Variants in NCOA3 observed in about 807,000 individuals in gnomAD.
NCOA3 encodes CBP-interacting protein.
Under a neutral mutation model 158.8 loss-of-function variants are expected in NCOA3, and 51 were observed. The observed-to-expected ratio is 0.32, with a 90% CI of 0.26 to 0.41. The LOEUF is 0.41. NCOA3 is among the 10% of genes least tolerant of loss of function. The pLI is 1.00. For missense variants in NCOA3, 1,510 were observed against 1,746.6 expected, an observed-to-expected ratio of 0.86 and a Z score of 2.41; for synonymous variants, 537 against 592.4, an observed-to-expected ratio of 0.91 and a Z score of 1.36.
At chr20:47,521,417 A>T (rs2084331382) in intron 1 of NCOA3, among the ~76,000 whole-genome samples, 1 of 152,034 alleles carries the variant, frequency 6.6e-6, no homozygotes, top group Non-Finnish European at 1.5e-5. Flanking sequence ...AGCAATGGTG[A>T]GCGCACACCT....
At chr20:47,546,343 T>C (rs1446179800) in intron 1 of NCOA3, among the ~76,000 whole-genome samples, 1 of 152,184 alleles carries the variant, frequency 6.6e-6, no homozygotes, top group East Asian at 1.9e-4. Context: ...TCCTAATAAG[T>C]CTTCCTGCAT....
intron 1 of NCOA3, among the ~76,000 whole-genome samples, chr20:47,535,999 A>C (rs948291300): frequency 3.3e-5 from 5 of 151,794 alleles, no homozygotes; most frequent in Non-Finnish European, 5.9e-5. Flanking sequence ...GGTGTCTGTC[A>C]GTGTGCTGTT....
intron 1 of NCOA3, among the ~76,000 whole-genome samples, chr20:47,519,611 T>A (rs1313506487): frequency 6.6e-6 from 1 of 151,466 alleles, no homozygotes; most frequent in Non-Finnish European, 1.5e-5. Flanking sequence ...AAAAAGACGG[T>A]GATTAAGAAC....
At chr20:47,618,651 G>A (rs1277974124) in intron 2 of NCOA3, among the ~76,000 whole-genome samples, 1 of 152,138 alleles carries the variant, frequency 6.6e-6, no homozygotes, top group Non-Finnish European at 1.5e-5. Flanking sequence ...ACCACACCCG[G>A]CCTTCCCTTA....
chr20:47,611,890 C>T (rs2086050547), intron 2 of NCOA3, among the ~76,000 whole-genome samples: 1 of 152,134 alleles, frequency 6.6e-6, no homozygotes, highest in Non-Finnish European at 1.5e-5. Context: ...GTGGCGCGAA[C>T]CTTAGCTCAC....
intron 2 of NCOA3, among the ~76,000 whole-genome samples, chr20:47,597,959 G>C (rs545055683): frequency 6.6e-6 from 1 of 151,822 alleles, no homozygotes; most frequent in African/African-American, 2.4e-5. Context: ...AAAGAACCAG[G>C]CTTCTGCCGG....
chr20:47,636,809 G>A lies in NCOA3; in HGVS notation c.2376+47G>A, dbSNP rs759334331. On this transcript the variant is annotated intron_variant, in intron 12 of 22. Coordinates refer to ENST00000371998, the MANE Select transcript of NCOA3 (RefSeq NM_181659.3). ...TCAGCTCATATTTCATCATTTTTCGGTGTTAGATAATGTGATATAAAAATT... is the reference window on the plus strand; with the variant it reads ...TCAGCTCATATTTCATCATTTTTCGATGTTAGATAATGTGATATAAAAATT... 10 of 1,494,644 alleles carry A rather than the reference G, an allele frequency of 6.7e-6. No homozygotes were observed. The East Asian group carries it at 1.8e-4, about 27-fold the overall frequency. 92.6% of individuals were successfully genotyped at this position (1,494,644 alleles called of 1,614,324 possible). A position where few individuals can be genotyped will look rare whatever the true frequency, so the allele number is the denominator to read the frequency against.
chr20:47,587,162 A>G (rs1209829244), intron 2 of NCOA3, among the ~76,000 whole-genome samples: 18 of 152,330 alleles, frequency 1.2e-4, no homozygotes, highest in African/African-American at 2.2e-4. Flanking sequence ...TCCATAATCA[A>G]TAGCCCTATG....
chr20:47,603,232 A>C (rs1198210788), intron 2 of NCOA3, among the ~76,000 whole-genome samples: 1 of 152,232 alleles, frequency 6.6e-6, no homozygotes, highest in African/African-American at 2.4e-5. Flanking sequence ...TCCTGTAGGC[A>C]CCAAGATTTA....
chr20:47,636,050 A>C lies in NCOA3; in HGVS notation c.1664A>C (p.Asn555Thr). 1.2e-6 allele frequency: 2 copies of C among 1,614,146 alleles called. No individual in the cohort carries two copies. The highest frequency in any genetic ancestry group is 1.7e-6 in the Non-Finnish European group (2 of 1,180,016). Residue 555 changes from asparagine (N) to threonine (T), a missense_variant, in exon 12 of 23, where the codon AAT becomes ACT. Physicochemically the swap from Asn to Thr is moderately conservative, Grantham distance 65. Coordinates refer to ENST00000371998, the MANE Select transcript of NCOA3 (RefSeq NM_181659.3). Reference sequence around the variant, plus strand: ...AAATTGGATAACTCTCCCAATATGAATATTACCCAACCAAGTAAAGTAAGC... The same window carrying C: ...AAATTGGATAACTCTCCCAATATGACTATTACCCAACCAAGTAAAGTAAGC... ...GPKLDNSPNMNITQPSKVSNQ... is the reference protein window; with the variant it reads ...GPKLDNSPNMTITQPSKVSNQ...
intron 17 of NCOA3, among the ~76,000 whole-genome samples, chr20:47,642,710 A>G (rs1167831579): frequency 6.6e-6 from 1 of 152,182 alleles, no homozygotes; most frequent in African/African-American, 2.4e-5. Context: ...TCATTTTTAT[A>G]ACTATCTTTC....
chr20:47,556,248 T>G (rs1024497643), intron 1 of NCOA3, among the ~76,000 whole-genome samples: 1 of 152,220 alleles, frequency 6.6e-6, no homozygotes, highest in African/African-American at 2.4e-5. Context: ...TAAAGTTATT[T>G]TGTATTCCAC....
At chr20:47,599,014 C>CA (rs1321628355) in intron 2 of NCOA3, among the ~76,000 whole-genome samples, 2 of 152,144 alleles carry the variant, frequency 1.3e-5, no homozygotes, top group Admixed American at 1.3e-4. Flanking sequence ...TATTAACATG[C>CA]AGTATAGGTA....
In NCOA3 at chr20:47,653,019, C is replaced by T. The variant is rs11271; in HGVS notation, c.4210C>T (p.Gln1404Ter). 6.2e-7 allele frequency: 1 copy of T among 1,614,076 alleles called. No individual in the cohort carries two copies. Among genetic ancestry groups the T allele is most frequent in the Admixed American group, 1.7e-5 (1 of 60,002 alleles). Residue 1404 changes from glutamine (Q) to a stop codon, truncating the protein, a stop_gained, in exon 22 of 23, where the codon CAG becomes TAG. Transcript: ENST00000371998. LOFTEE classifies it high-confidence loss of function. ...GAATGGCAGCAGTGGTCACATGGGA[C>T]AGATGAACATGAACCCCATGCCCAT... ...HMNGSSGHMG[Q>*]MNMNPMPMSG...
Position 47,509,619 on chromosome 20 carries a change from A to G in NCOA3, c.-99+7600A>G, listed in dbSNP as rs958433498. ...TTTGTTTCCAGATTGAAATTTGGCA[A>G]TTTTGGGGCTGAGTGCAGTGGCTCC... On this transcript the variant is annotated intron_variant, in intron 1 of 22. Coordinates refer to ENST00000371998, the MANE Select transcript of NCOA3 (RefSeq NM_181659.3). Among the ~76,000 whole-genome samples the G allele has an allele frequency of 2.6e-5, 4 of 152,052 alleles. No individual in the cohort carries two copies. The South Asian group carries it at 8.3e-4, about 32-fold the overall frequency.
intron 3 of NCOA3, 37 bp from the exon 4 acceptor site, chr20:47,623,874 T>C: frequency 2.5e-6 from 4 of 1,575,182 alleles, no homozygotes; most frequent in Non-Finnish European, 3.5e-6. Context: ...ATATATATTA[T>C]GTCTCCTTTC....
At chr20:47,569,786 G>A (rs924980610) in intron 1 of NCOA3, among the ~76,000 whole-genome samples, 23 of 152,064 alleles carry the variant, frequency 1.5e-4, no homozygotes, top group East Asian at 7.7e-4. Flanking sequence ...CGAGGAGGGC[G>A]GATCACAAGG....
chr20:47,564,483 C>T (rs1027466355), intron 1 of NCOA3, among the ~76,000 whole-genome samples: 5 of 151,880 alleles, frequency 3.3e-5, no homozygotes, highest in Admixed American at 3.3e-4. Context: ...TCTCTCACCT[C>T]AAGGAGCTTG....
Position 47,646,965 on chromosome 20 carries a change from T to C in NCOA3, c.3253-108T>C, listed in dbSNP as rs558885731. ...TGCCTGGCACATAACAAGCATTTAC[T>C]TAAATACTTGTTGAATGACTGGATG... On this transcript the variant is annotated intron_variant, in intron 17 of 22. Coordinates refer to ENST00000371998, the MANE Select transcript of NCOA3 (RefSeq NM_181659.3). 3.2e-6 allele frequency: 3 copies of C among 951,286 alleles called. No individual in the cohort carries two copies. The South Asian group carries it at 5.0e-5, about 16-fold the overall frequency. The allele number at this position is 951,286 out of a possible 1,614,324, so 58.9% of individuals were successfully genotyped here.
Sources: allele counts gnomAD v4.1 joint callset (sites outside exome capture counted in the v4.1 genomes callset), GRCh38; gene constraint gnomAD v4.1.1; transcripts MANE v1.5; gene names NCBI Gene and HGNC (gene_info 2026-07-23, HGNC 2026-07-21).